OPCML: variants seen among roughly 807,000 people sequenced by gnomAD.
The protein encoded by OPCML is opioid-binding protein/cell adhesion molecule.
A neutral mutation model predicts 37.8 loss-of-function variants in OPCML; 13 were observed. The ratio of observed to expected loss-of-function variants is 0.34; its 90% CI spans 0.22 to 0.55. OPCML has a LOEUF of 0.55. Ranked by LOEUF, OPCML falls within the 20% of genes least tolerant of loss-of-function variation. The pLI is 0.91. For missense variants in OPCML, 341 were observed against 435.6 expected (o/e 0.78, Z 1.93); for synonymous variants, 176 against 168.8 (o/e 1.04, Z -0.33).
At chr11:133,170,857 C>A (rs542825778) in intron 1 of OPCML, among the ~76,000 whole-genome samples, 3 of 152,160 alleles carry the variant, frequency 2.0e-5, no homozygotes, top group Admixed American at 1.3e-4. Context: ...CTTGTCCCCC[C>A]AAAAGCACAA....
rs151151397 is a variant in OPCML at position 132,601,597 on chromosome 11, A to G, written c.379+55490T>C. On this transcript the variant is annotated intron_variant, in intron 3 of 7. Coordinates refer to ENST00000524381, the MANE Select transcript of OPCML (RefSeq NM_001012393.5). The stretch of plus-strand genomic sequence containing the variant: ...TATCTGGTGAAATGAAATCTCATCA[A>G]GTGGAGAATGACTTGACCAGCCATG... Among the ~76,000 whole-genome samples, 6 of 152,256 alleles carry G rather than the reference A, an allele frequency of 3.9e-5. No homozygotes were observed. In the East Asian group the frequency reaches 1.2e-3, roughly 29 times the overall value.
intron 2 of OPCML, among the ~76,000 whole-genome samples, chr11:132,665,315 C>G (rs552059513): frequency 1.3e-5 from 2 of 152,248 alleles, no homozygotes; most frequent in African/African-American, 4.8e-5. Context: ...ATGAGTCCAC[C>G]AGAAATTGCT....
intron 1 of OPCML, among the ~76,000 whole-genome samples, chr11:133,214,496 A>G (rs537860106): frequency 3.9e-5 from 6 of 152,352 alleles, no homozygotes; most frequent in Non-Finnish European, 8.8e-5. Context: ...AGGTTTTGAA[A>G]AAAAGGCGAA....
chr11:132,810,532 A>G (rs979926303), intron 2 of OPCML, among the ~76,000 whole-genome samples: 2 of 152,074 alleles, frequency 1.3e-5, no homozygotes, highest in African/African-American at 4.8e-5. Flanking sequence ...CTCTACTAAA[A>G]ATACAAAAAT....
At chr11:133,335,786 TA>T (rs993889489) in intron 1 of OPCML, among the ~76,000 whole-genome samples, 9 of 152,076 alleles carry the variant, frequency 5.9e-5, no homozygotes, top group Non-Finnish European at 1.3e-4. Context: ...AGGTGCAGGC[TA>T]CTGGCAAGTG....
chr11:132,834,283 AC>A (rs1940881711), intron 2 of OPCML, among the ~76,000 whole-genome samples: 1 of 152,202 alleles, frequency 6.6e-6, no homozygotes, highest in Non-Finnish European at 1.5e-5. Flanking sequence ...TTAAAATTTT[AC>A]CAGTGCAATG....
rs114507954 is a variant in OPCML at position 133,106,134 on chromosome 11, G to A, written c.62-163124C>T. ...AATGTTTTAAAATTCCTCATTCCCC[G>A]TTCTAACAGTTGCTCCAATTGCTCA... On this transcript the variant is annotated intron_variant, in intron 1 of 7. Transcript: ENST00000524381. Among the ~76,000 whole-genome samples, 578 of 152,176 alleles carry A rather than the reference G, an allele frequency of 3.8e-3. 2 individuals are homozygous for A. The highest frequency in any genetic ancestry group is 0.013 in the African/African-American group (535 of 41,512).
intron 3 of OPCML, among the ~76,000 whole-genome samples, chr11:132,648,870 C>T (rs1235679343): frequency 6.6e-6 from 1 of 152,038 alleles, no homozygotes; most frequent in Admixed American, 6.5e-5. Context: ...TCTCACTCAC[C>T]TTAGAAAATA....
At chr11:133,125,899 T>C (rs1414946225) in intron 1 of OPCML, among the ~76,000 whole-genome samples, 2 of 141,822 alleles carry the variant, frequency 1.4e-5, no homozygotes, top group African/African-American at 5.3e-5. Flanking sequence ...TATATACACA[T>C]GTATATATAG....
At chr11:132,703,282 A>ACATGTATCTAAATATATT (rs1943902696) in intron 2 of OPCML, among the ~76,000 whole-genome samples, 3 of 152,200 alleles carry the variant, frequency 2.0e-5, no homozygotes, top group Non-Finnish European at 4.4e-5. Flanking sequence ...ACACAAGGGT[A>ACATGTATCTAAATATATT]AGTATTCATG....
chr11:132,969,876 A>G (rs1479451593), intron 1 of OPCML, among the ~76,000 whole-genome samples: 1 of 152,070 alleles, frequency 6.6e-6, no homozygotes, highest in Non-Finnish European at 1.5e-5. Context: ...TATATTTATT[A>G]TGTCTGTTTG....
At chr11:133,123,863 T>C (rs1003240007) in intron 1 of OPCML, among the ~76,000 whole-genome samples, 2 of 152,144 alleles carry the variant, frequency 1.3e-5, no homozygotes, top group Admixed American at 1.3e-4. Context: ...TTCCATGTCA[T>C]CTGAGGTTTC....
rs758023450 is a variant in OPCML at position 133,273,377 on chromosome 11, C to T, written c.61+258887G>A. Reference sequence around the variant, plus strand: ...AGGTGCTGGGGGCCGGGAATCAGCTCCCATGGCACCCACCAAACCACACTT... The same window carrying T: ...AGGTGCTGGGGGCCGGGAATCAGCTTCCATGGCACCCACCAAACCACACTT... On this transcript the variant is annotated intron_variant, in intron 1 of 7. Transcript: ENST00000524381. Among the ~76,000 whole-genome samples the T allele has an allele frequency of 8.6e-4, 131 of 152,066 alleles. 3 individuals are homozygous for T. The highest frequency in any genetic ancestry group is 3.2e-3 in the Middle Eastern group (1 of 316).
intron 4 of OPCML, among the ~76,000 whole-genome samples, chr11:132,478,152 AG>A (rs2136996771): frequency 6.6e-6 from 1 of 152,368 alleles, no homozygotes; most frequent in Admixed American, 6.5e-5. Context: ...GATATAATAC[AG>A]TATATAATAA....
Position 133,206,168 on chromosome 11 carries a change from C to T in OPCML, c.62-263158G>A, listed in dbSNP as rs1004659200. Among the ~76,000 whole-genome samples, 1 of 152,126 alleles carries T rather than the reference C, an allele frequency of 6.6e-6. No individual in the cohort carries two copies. Among genetic ancestry groups the T allele is most frequent in the East Asian group, 1.9e-4 (1 of 5,194 alleles). Reference sequence around the variant, plus strand: ...GTTTCAAGGTTTCAAAAAGACAATGCACAAAAAACTGCTTCCCATGGTGCC... The same window carrying T: ...GTTTCAAGGTTTCAAAAAGACAATGTACAAAAAACTGCTTCCCATGGTGCC... On this transcript the variant is annotated intron_variant, in intron 1 of 7. Coordinates refer to ENST00000524381, the MANE Select transcript of OPCML (RefSeq NM_001012393.5). This position sits in a 1 kb window ranked among gnomAD's most constrained non-coding sequence, Gnocchi z 4.7.
rs544407254 is a variant in OPCML, at chr11:133,098,357, A to T, written c.62-155347T>A. On this transcript the variant is annotated intron_variant, in intron 1 of 7. Coordinates refer to ENST00000524381, the MANE Select transcript of OPCML (RefSeq NM_001012393.5). ...CAGCCTCTGGAGTAGCTGGGACTAC[A>T]GGCGCCCGCCACCACACCTGGCTAC... is the stretch of plus-strand genomic sequence containing the variant. Among the ~76,000 whole-genome samples the T allele has an allele frequency of 2.0e-3, 297 of 151,878 alleles. 1 individual carries two copies. Among genetic ancestry groups the T allele is most frequent in the Admixed American group, 3.0e-3 (46 of 15,244 alleles).
chr11:132,593,335 C>T (rs945261565), intron 3 of OPCML, among the ~76,000 whole-genome samples: 2 of 152,154 alleles, frequency 1.3e-5, no homozygotes, highest in African/African-American at 4.8e-5. Flanking sequence ...GCAGGGGCAC[C>T]TCACTCGGTT....
chr11:133,088,969 T>C (rs1359743442), intron 1 of OPCML, among the ~76,000 whole-genome samples: 9 of 152,188 alleles, frequency 5.9e-5, no homozygotes, highest in Admixed American at 5.2e-4. Flanking sequence ...AAAGTTCCCA[T>C]AGGATGGCTA....
intron 3 of OPCML, among the ~76,000 whole-genome samples, chr11:132,653,332 G>T (rs887097025): frequency 3.9e-5 from 6 of 152,146 alleles, no homozygotes; most frequent in African/African-American, 1.4e-4. Context: ...TAGGCCCACG[G>T]TCACCCTGGC....
Sources: gnomAD v4.1 joint callset for allele counts (sites outside exome capture counted in the v4.1 genomes callset) on GRCh38, gnomAD v4.1.1 for gene constraint, Gnocchi (gnomAD v3.1) non-coding constraint, MANE v1.5 for transcripts, NCBI Gene and HGNC (gene_info 2026-07-23, HGNC 2026-07-21) for gene names.